The following SATB2 variants were observed in gnomAD, a reference collection of about 807,000 sequenced individuals.
SATB2 encodes SATB homeobox 2.
A neutral mutation model predicts 73.4 loss-of-function variants in SATB2; 1 was observed. The ratio of observed to expected loss-of-function variants is 0.01; its 90% CI spans 0.00 to 0.06. The LOEUF is 0.06. Among genes scored for constraint, SATB2 ranks in the 10% least tolerant of loss-of-function variants. The pLI is 1.00. For missense variants in SATB2, 459 were observed against 945.8 expected (o/e 0.49, Z 6.75); for synonymous variants, 397 against 367.0 (o/e 1.08, Z -0.93).
At chr2:199,282,316 T>C (rs1422210624) in intron 10 of SATB2, among the ~76,000 whole-genome samples, 1 of 152,216 alleles carries the variant, frequency 6.6e-6, no homozygotes, top group South Asian at 2.1e-4. Context: ...TTACAGGAAT[T>C]TATATCTAGT....
intron 3 of SATB2, among the ~76,000 whole-genome samples, chr2:199,429,053 A>T (rs531481893): frequency 6.6e-6 from 1 of 152,018 alleles, no homozygotes; most frequent in Non-Finnish European, 1.5e-5. Flanking sequence ...ACCAACTCTA[A>T]GAAATCCCTT....
intron 7 of SATB2, among the ~76,000 whole-genome samples, chr2:199,338,300 A>G (rs1688396245): frequency 6.6e-6 from 1 of 151,960 alleles, no homozygotes; most frequent in African/African-American, 2.4e-5. Context: ...CTCGGGAGGC[A>G]GAGGTTGCAG....
At chr2:199,440,924 C>T (rs1691796863) in intron 2 of SATB2, among the ~76,000 whole-genome samples, 1 of 151,342 alleles carries the variant, frequency 6.6e-6, no homozygotes, top group African/African-American at 2.4e-5. Context: ...AATCTCGACT[C>T]ACTGCAACCT....
chr2:199,423,785 C>T (rs568460753), intron 3 of SATB2: 1 of 152,162 alleles, frequency 6.6e-6, no homozygotes, highest in Non-Finnish European at 1.5e-5. Flanking sequence ...CTTAGCTCAG[C>T]TCCCATGATG....
At chr2:199,285,712 G>A in intron 10 of SATB2, among the ~76,000 whole-genome samples, 1 of 150,312 alleles carries the variant, frequency 6.7e-6, no homozygotes, top group Non-Finnish European at 1.5e-5. Flanking sequence ...TACAGCTATA[G>A]GAGAGGGATT....
chr2:199,309,791 A>C (rs1559154565), intron 9 of SATB2, among the ~76,000 whole-genome samples: 2 of 152,250 alleles, frequency 1.3e-5, no homozygotes, highest in Non-Finnish European at 2.9e-5. Flanking sequence ...ACTAATTTTA[A>C]AAACAAGAAC....
At chr2:199,348,646 T>C in intron 7 of SATB2, 55 bp downstream of exon 7, 1 of 1,304,456 alleles carries the variant, frequency 7.7e-7, no homozygotes, top group Non-Finnish European at 1.1e-6. Flanking sequence ...TTATAACCTA[T>C]CTCAATTCTG....
chr2:199,332,205 G>A (rs905003722), intron 7 of SATB2, among the ~76,000 whole-genome samples: 2 of 151,982 alleles, frequency 1.3e-5, no homozygotes, highest in East Asian at 1.9e-4. Flanking sequence ...TTTCCTCCTC[G>A]TAGGCAACAG....
In SATB2 at chr2:199,464,592, C is replaced by A. The variant is rs996100386; in HGVS notation, c.-141+244G>T. On this transcript the variant is annotated intron_variant, in intron 1 of 11. Coordinates refer to the SATB2 transcript ENST00000260926. This position sits in a 1 kb window ranked among gnomAD's most constrained non-coding sequence, Gnocchi z 6.6. ...TCTGAGACGCCCCGCGCCCGACTCA[C>A]GGCGCGAACACCAGCGCTCCGGCCG... Among the ~76,000 whole-genome samples, 1 of 152,174 alleles carries A rather than the reference C, an allele frequency of 6.6e-6. No homozygotes were observed.
At chr2:199,314,068 C>T (rs1687664901) in intron 9 of SATB2, among the ~76,000 whole-genome samples, 1 of 152,196 alleles carries the variant, frequency 6.6e-6, no homozygotes, top group African/African-American at 2.4e-5. Context: ...TTGTTTCTCA[C>T]TCTTGCATAA....
chr2:199,298,069 T>G (rs1227834827), intron 10 of SATB2, among the ~76,000 whole-genome samples: 1 of 152,202 alleles, frequency 6.6e-6, no homozygotes, highest in Non-Finnish European at 1.5e-5. Context: ...TAAAATTCTA[T>G]GCTGACACCA....
At chr2:199,312,474 G>A (rs868367962) in intron 9 of SATB2, among the ~76,000 whole-genome samples, 1 of 152,186 alleles carries the variant, frequency 6.6e-6, no homozygotes, top group African/African-American at 2.4e-5. Flanking sequence ...GAATGTAGAA[G>A]GTATCAAACC....
chr2:199,392,011 T>C (rs1690157627), intron 3 of SATB2, among the ~76,000 whole-genome samples: 1 of 152,084 alleles, frequency 6.6e-6, no homozygotes, highest in Admixed American at 6.5e-5. Flanking sequence ...TACTAAGAAC[T>C]ATGGTGTTTG....
At chr2:199,417,036 T>TCA (rs55763647) in intron 3 of SATB2, among the ~76,000 whole-genome samples, 31,652 of 143,942 alleles carry the variant, frequency 0.22, 3,576 homozygotes, top group East Asian at 0.41. Context: ...ACTCCGTCTC[T>TCA]CACACACACA....
chr2:199,432,915 T>C (rs567005220), intron 3 of SATB2, among the ~76,000 whole-genome samples: 22 of 152,226 alleles, frequency 1.4e-4, no homozygotes, highest in South Asian at 4.1e-4. Flanking sequence ...ATAAAAGACA[T>C]CCATTTTTTT....
intron 7 of SATB2, among the ~76,000 whole-genome samples, chr2:199,339,463 G>A (rs1232771671): frequency 6.6e-6 from 1 of 152,124 alleles, no homozygotes; most frequent in Non-Finnish European, 1.5e-5. Flanking sequence ...TCAAAAGAGG[G>A]TATATTATTT....
chr2:199,446,654 T>A (rs545231703), intron 2 of SATB2, among the ~76,000 whole-genome samples: 1 of 152,292 alleles, frequency 6.6e-6, no homozygotes, highest in East Asian at 1.9e-4. Context: ...ATCAACACTG[T>A]TAGGTTACGC....
intron 3 of SATB2, among the ~76,000 whole-genome samples, chr2:199,432,629 AT>A (rs970861597): frequency 3.9e-4 from 58 of 148,596 alleles, no homozygotes; most frequent in South Asian, 1.1e-3. Context: ...CATCAGATCA[AT>A]TTTTTTTTTT....
chr2:199,459,460 G>A (rs890092562), upstream of SATB2, among the ~76,000 whole-genome samples: 2 of 152,176 alleles, frequency 1.3e-5, no homozygotes, highest in African/African-American at 4.8e-5. This position sits in a 1 kb window ranked among gnomAD's most constrained non-coding sequence, Gnocchi z 4.2. Context: ...TTAAGGAAAA[G>A]CACGTGGGCA....
Sources: gnomAD v4.1 joint callset for allele counts (sites outside exome capture counted in the v4.1 genomes callset) on GRCh38, gnomAD v4.1.1 for gene constraint, Gnocchi (gnomAD v3.1) non-coding constraint, MANE v1.5 for transcripts, NCBI Gene and HGNC (gene_info 2026-07-23, HGNC 2026-07-21) for gene names.